The following SFI1 variants were observed in gnomAD, a reference collection of about 807,000 sequenced individuals.
SFI1 encodes protein SFI1 homolog.
Under a neutral mutation model 207.5 loss-of-function variants are expected in SFI1, and 195 were observed. The observed-to-expected ratio is 0.94, with a 90% CI of 0.84 to 1.06. The LOEUF is 1.06. SFI1 is among the 50% of genes least tolerant of loss of function. SFI1 has a pLI of 0.00. For missense variants in SFI1, 1,634 were observed against 1,588.0 expected (o/e 1.03, Z -0.49); for synonymous variants, 630 against 598.9 (o/e 1.05, Z -0.76).
intron 2 of SFI1, among the ~76,000 whole-genome samples, chr22:31,524,935 C>T (rs2057735103): frequency 6.6e-6 from 1 of 152,022 alleles, no homozygotes; most frequent in South Asian, 2.1e-4. Flanking sequence ...ACTGGGATTA[C>T]AGGTGCATGC....
At chr22:31,499,997 A>AC (rs986452978) in intron 1 of SFI1, among the ~76,000 whole-genome samples, 3 of 150,350 alleles carry the variant, frequency 2.0e-5, no homozygotes, top group Non-Finnish European at 4.4e-5. Context: ...AAAAAAAAAA[A>AC]AAAAAACATT....
chr22:31,547,310 G>GT (rs2060180691), intron 5 of SFI1, among the ~76,000 whole-genome samples: 1 of 151,940 alleles, frequency 6.6e-6, no homozygotes, highest in Non-Finnish European at 1.5e-5. Context: ...TTGTTTGTTT[G>GT]TTTGTTTTGT....
chr22:31,596,738 C>G (rs569059219), intron 15 of SFI1, among the ~76,000 whole-genome samples: 1 of 147,202 alleles, frequency 6.8e-6, no homozygotes, highest in East Asian at 2.0e-4. Flanking sequence ...GAGCCGAGAT[C>G]GCACCACTGC....
At chr22:31,528,650 A>G in intron 2 of SFI1, 40 bp from the exon 3 acceptor site, 1 of 1,583,064 alleles carries the variant, frequency 6.3e-7, no homozygotes, top group East Asian at 2.2e-5. Flanking sequence ...TGCAGAGATA[A>G]CTTTATTCTC....
At chr22:31,501,920 C>CA (rs2053848563) in intron 1 of SFI1, among the ~76,000 whole-genome samples, 1 of 152,052 alleles carries the variant, frequency 6.6e-6, no homozygotes, top group African/African-American at 2.4e-5. Context: ...AGCACATTAG[C>CA]TTCATTGACA....
intron 4 of SFI1, among the ~76,000 whole-genome samples, chr22:31,540,821 C>A (rs973480019): frequency 6.6e-6 from 1 of 152,086 alleles, no homozygotes; most frequent in East Asian, 1.9e-4. Context: ...TCAAGTGATC[C>A]ACCCACCTTG....
At chr22:31,523,008 A>T (rs576786770) in intron 2 of SFI1, among the ~76,000 whole-genome samples, 67 of 152,274 alleles carry the variant, frequency 4.4e-4, no homozygotes, top group South Asian at 1.9e-3. Context: ...GCCATTTTTT[A>T]AATCCATTAT....
At chr22:31,529,653 A>G (rs910423867) in intron 3 of SFI1, among the ~76,000 whole-genome samples, 1 of 152,216 alleles carries the variant, frequency 6.6e-6, no homozygotes, top group Non-Finnish European at 1.5e-5. Context: ...TAGGCTTGAT[A>G]GACTCTTAAG....
intron 12 of SFI1, among the ~76,000 whole-genome samples, chr22:31,582,244 T>A (rs1307203933): frequency 9.7e-4 from 45 of 46,578 alleles, no homozygotes; most frequent in African/African-American, 1.3e-3. Flanking sequence ...ATATTTTTTT[T>A]TTTTTTTTTT....
intron 4 of SFI1, among the ~76,000 whole-genome samples, chr22:31,546,179 A>T (rs1569271113): frequency 6.6e-6 from 1 of 151,560 alleles, no homozygotes; most frequent in African/African-American, 2.4e-5. Context: ...AAGCCACCAC[A>T]TCCAGCCCTA....
intron 7 of SFI1, among the ~76,000 whole-genome samples, chr22:31,560,224 T>A (rs1482040622): frequency 6.6e-6 from 1 of 151,424 alleles, no homozygotes; most frequent in Non-Finnish European, 1.5e-5. Flanking sequence ...TATTTCCCCA[T>A]GACTCTTTTC....
chr22:31,549,178 C>A (rs933086787), intron 5 of SFI1, among the ~76,000 whole-genome samples: 8 of 150,048 alleles, frequency 5.3e-5, no homozygotes, highest in African/African-American at 1.2e-4. Flanking sequence ...GTCCCAGCTA[C>A]TCTGAGGCCA....
chr22:31,549,288 TAAAAAAAA>T (rs59382278), intron 5 of SFI1, among the ~76,000 whole-genome samples: 58 of 37,216 alleles, frequency 1.6e-3, no homozygotes, highest in South Asian at 8.9e-3. Flanking sequence ...AGACCCTGTG[TAAAAAAAA>T]AAAAAAAAAA....
At chr22:31,574,185 G>A (rs147497964) in intron 9 of SFI1, among the ~76,000 whole-genome samples, 1,832 of 152,268 alleles carry the variant, frequency 0.012, 11 homozygotes, top group Middle Eastern at 0.054. Context: ...GGTCTCTGGC[G>A]TTCACCCAAA....
At chr22:31,589,792 T>TTA (rs1208496619) in intron 15 of SFI1, among the ~76,000 whole-genome samples, 1,630 of 152,162 alleles carry the variant, frequency 0.011, 8 homozygotes, top group Middle Eastern at 0.031. Context: ...ATTTATTTAT[T>TTA]TTTTTTGTGT....
At chr22:31,506,210 GC>G (rs1212732607) in intron 1 of SFI1, among the ~76,000 whole-genome samples, 2 of 152,030 alleles carry the variant, frequency 1.3e-5, no homozygotes, top group East Asian at 3.9e-4. Flanking sequence ...ACCATGCCTG[GC>G]TCATTTTTGT....
intron 8 of SFI1, among the ~76,000 whole-genome samples, chr22:31,563,043 G>C (rs2061890707): frequency 6.7e-6 from 1 of 150,136 alleles, no homozygotes; most frequent in Non-Finnish European, 1.5e-5. Flanking sequence ...ACCCAGACTG[G>C]AGTGCAGTGG....
chr22:31,532,909 G>A (rs569630278), intron 4 of SFI1, among the ~76,000 whole-genome samples: 1 of 152,312 alleles, frequency 6.6e-6, no homozygotes, highest in South Asian at 2.1e-4. Context: ...GGGAATTGGG[G>A]TGGTTTAAGG....
intron 2 of SFI1, among the ~76,000 whole-genome samples, chr22:31,522,745 TC>T (rs562526379): frequency 2.6e-5 from 4 of 152,046 alleles, no homozygotes; most frequent in East Asian, 1.9e-4. Flanking sequence ...AACCTCTGCC[TC>T]CCGTGTTTAA....
Sources: gnomAD v4.1 joint callset for allele counts (sites outside exome capture counted in the v4.1 genomes callset) on GRCh38, gnomAD v4.1.1 for gene constraint, MANE v1.5 for transcripts, NCBI Gene and HGNC (gene_info 2026-07-23, HGNC 2026-07-21) for gene names.